MACROD2: variants seen among roughly 807,000 people sequenced by gnomAD.
MACROD2 encodes the protein mono-ADP ribosylhydrolase 2.
In MACROD2, 36 loss-of-function variants were observed where a neutral mutation model predicts 70.4. The observed-to-expected ratio is 0.51, with a 90% CI of 0.39 to 0.68. MACROD2 has a LOEUF of 0.68. Among genes scored for constraint, MACROD2 ranks in the 30% least tolerant of loss-of-function variants. The pLI is 0.00. For missense variants in MACROD2, 496 were observed against 538.4 expected, an observed-to-expected ratio of 0.92 and a Z score of 0.78; for synonymous variants, 172 against 178.8, an observed-to-expected ratio of 0.96 and a Z score of 0.30.
intron 3 of MACROD2, among the ~76,000 whole-genome samples, chr20:14,211,251 G>C (rs1246939815): frequency 6.6e-6 from 1 of 152,110 alleles, no homozygotes; most frequent in Admixed American, 6.5e-5. Context: ...CTAGCTTTGT[G>C]ACCTTGGACA....
At chr20:14,227,921 T>C (rs2081757741) in intron 3 of MACROD2, among the ~76,000 whole-genome samples, 1 of 152,162 alleles carries the variant, frequency 6.6e-6, no homozygotes, top group Admixed American at 6.5e-5. Context: ...CAGTCTCTCT[T>C]TGTCTTTCAT....
intron 7 of MACROD2, among the ~76,000 whole-genome samples, chr20:15,449,483 A>T (rs931671741): frequency 6.6e-6 from 1 of 152,144 alleles, no homozygotes; most frequent in African/African-American, 2.4e-5. Flanking sequence ...ATCTCTTCCC[A>T]ATTAAAAATG....
Position 14,321,356 on chromosome 20 carries a change from C to T in MACROD2, c.272-172123C>T, listed in dbSNP as rs1284985041. Among the ~76,000 whole-genome samples, 8 of 58,132 alleles carry T rather than the reference C, an allele frequency of 1.4e-4. No individual in the cohort carries two copies. In the South Asian group the frequency reaches 5.0e-3, roughly 36 times the overall value. The allele number at this position is 58,132 out of a possible 152,430, so 38.1% of individuals were successfully genotyped here. ...CTCCAGCCTGGATAACAGAGTGATA[C>T]TCCATCTCAAAAAAAAAAAGCCAGT... On this transcript the variant is annotated intron_variant, in intron 3 of 17. Transcript: ENST00000684519.
chr20:15,929,020 A>G (rs1179676608), intron 10 of MACROD2, among the ~76,000 whole-genome samples: 3 of 152,190 alleles, frequency 2.0e-5, no homozygotes, highest in East Asian at 1.9e-4. Flanking sequence ...AGCTATTGCC[A>G]TAATAATGCT....
intron 5 of MACROD2, among the ~76,000 whole-genome samples, chr20:15,192,792 G>A (rs369311092): frequency 6.6e-6 from 1 of 152,192 alleles, no homozygotes; most frequent in Non-Finnish European, 1.5e-5. Context: ...ACAGCAGAGG[G>A]TTCTAGGAGA....
At chr20:14,984,495 A>G (rs1301025406) in intron 5 of MACROD2, among the ~76,000 whole-genome samples, 1 of 151,978 alleles carries the variant, frequency 6.6e-6, no homozygotes, top group Non-Finnish European at 1.5e-5. Context: ...CTTTCCTTTT[A>G]TTGGTAACTT....
chr20:15,957,194 A>T (rs1265570459), intron 12 of MACROD2, among the ~76,000 whole-genome samples: 1 of 152,166 alleles, frequency 6.6e-6, no homozygotes, highest in Non-Finnish European at 1.5e-5. Flanking sequence ...GACATGTTCT[A>T]CTGCTTGAGC....
chr20:14,589,301 T>G (rs1314447813), intron 4 of MACROD2, among the ~76,000 whole-genome samples: 1 of 152,174 alleles, frequency 6.6e-6, no homozygotes, highest in African/African-American at 2.4e-5. Flanking sequence ...ATGGTGAATT[T>G]CTCCTTTTTT....
chr20:15,707,090 T>G (rs2050545374), intron 8 of MACROD2, among the ~76,000 whole-genome samples: 1 of 152,222 alleles, frequency 6.6e-6, no homozygotes, highest in African/African-American at 2.4e-5. Context: ...AGTTACACAG[T>G]AACATATTCA....
chr20:15,587,055 G>A (rs1006340924), intron 8 of MACROD2, among the ~76,000 whole-genome samples: 11 of 152,198 alleles, frequency 7.2e-5, no homozygotes, highest in East Asian at 1.9e-4. Context: ...ATATTAGTCC[G>A]TTTTAACACT....
chr20:15,440,877 CTT>C (rs1481895515), intron 7 of MACROD2, among the ~76,000 whole-genome samples: 1 of 152,172 alleles, frequency 6.6e-6, no homozygotes, highest in Non-Finnish European at 1.5e-5. Flanking sequence ...AATGATGACT[CTT>C]TTCACTGTCG....
chr20:15,911,798 GA>G (rs1267466662), intron 10 of MACROD2, among the ~76,000 whole-genome samples: 6 of 152,200 alleles, frequency 3.9e-5, no homozygotes, highest in African/African-American at 1.4e-4. Flanking sequence ...GGGCGTACAG[GA>G]AGTAAATAGT....
intron 4 of MACROD2, among the ~76,000 whole-genome samples, chr20:14,669,178 A>G (rs1184685542): frequency 1.3e-5 from 2 of 152,302 alleles, no homozygotes; most frequent in South Asian, 2.1e-4. Context: ...TTATGTGTGT[A>G]GTTTGGAGAA....
intron 8 of MACROD2, among the ~76,000 whole-genome samples, chr20:15,739,873 T>G (rs1021511704): frequency 6.6e-6 from 1 of 152,236 alleles, no homozygotes. Flanking sequence ...ACCTGCTGCC[T>G]TCAAGGACTG....
chr20:14,702,972 C>T (rs2123641885), intron 5 of MACROD2, among the ~76,000 whole-genome samples: 1 of 151,918 alleles, frequency 6.6e-6, no homozygotes, highest in Non-Finnish European at 1.5e-5. Flanking sequence ...ACGTGATCTG[C>T]CCGCCTTGGT....
chr20:15,346,546 C>T (rs2078168465), intron 6 of MACROD2, among the ~76,000 whole-genome samples: 1 of 152,114 alleles, frequency 6.6e-6, no homozygotes, highest in Non-Finnish European at 1.5e-5. Context: ...GCTGGCTGGG[C>T]TGGGACCTGG....
At chr20:16,010,948 TG>T (rs2147526473) in intron 15 of MACROD2, among the ~76,000 whole-genome samples, 1 of 152,344 alleles carries the variant, frequency 6.6e-6, no homozygotes, top group South Asian at 2.1e-4. Context: ...GCTTTTCACA[TG>T]GTGAAAATAC....
intron 8 of MACROD2, among the ~76,000 whole-genome samples, chr20:15,814,640 C>G (rs2063854523): frequency 6.6e-6 from 1 of 152,242 alleles, no homozygotes; most frequent in South Asian, 2.1e-4. Flanking sequence ...AAGATAACTA[C>G]TATTTCTGTT....
At chr20:14,000,268 A>G (rs1601095713) in intron 1 of MACROD2, among the ~76,000 whole-genome samples, 6 of 152,074 alleles carry the variant, frequency 3.9e-5, no homozygotes, top group Non-Finnish European at 1.5e-5. Flanking sequence ...TCAATGTCCT[A>G]TAGGTACCTT....
Sources: allele counts gnomAD v4.1 joint callset (sites outside exome capture counted in the v4.1 genomes callset), GRCh38; gene constraint gnomAD v4.1.1; transcripts MANE v1.5; gene names NCBI Gene and HGNC (gene_info 2026-07-23, HGNC 2026-07-21).